The following MBOAT2 variants were observed in gnomAD, a reference collection of about 807,000 sequenced individuals.
MBOAT2 encodes membrane-bound glycerophospholipid O-acyltransferase 2.
MBOAT2 carries 28 observed loss-of-function variants against 63.4 expected under a neutral mutation model. The observed-to-expected ratio is 0.44, with a 90% CI of 0.33 to 0.61. The LOEUF is 0.61. MBOAT2 is among the 20% of genes least tolerant of loss of function. The pLI is 0.03. For synonymous variants in MBOAT2, 211 were observed against 215.6 expected (o/e 0.98, Z 0.19); for missense variants, 470 against 605.8 (o/e 0.78, Z 2.35).
intron 7 of MBOAT2, 104 bp from the exon 8 acceptor site, chr2:8,873,404 A>C (rs775330858): frequency 8.6e-7 from 1 of 1,169,536 alleles, no homozygotes; most frequent in South Asian, 1.7e-5. Flanking sequence ...CATCAGTCCT[A>C]CAACTCTCCT....
chr2:8,867,404 T>C (rs760323614), intron 9 of MBOAT2, among the ~76,000 whole-genome samples: 4 of 152,200 alleles, frequency 2.6e-5, no homozygotes, highest in Non-Finnish European at 5.9e-5. Context: ...TCTCACCTCT[T>C]CTGATTCTCT....
chr2:8,983,659 C>T (rs1290484564), intron 1 of MBOAT2, among the ~76,000 whole-genome samples: 1 of 152,118 alleles, frequency 6.6e-6, no homozygotes, highest in Non-Finnish European at 1.5e-5. Flanking sequence ...ACTGGTAAAA[C>T]TTTAAGTCTG....
chr2:8,952,286 G>C (rs1368258444), intron 2 of MBOAT2, among the ~76,000 whole-genome samples: 3 of 152,168 alleles, frequency 2.0e-5, no homozygotes, highest in Non-Finnish European at 4.4e-5. Flanking sequence ...CAAGAGTATA[G>C]ATAGTATGAT....
chr2:8,992,709 G>A (rs1449662724), intron 1 of MBOAT2, among the ~76,000 whole-genome samples: 1 of 152,220 alleles, frequency 6.6e-6, no homozygotes, highest in Non-Finnish European at 1.5e-5. Flanking sequence ...AAGTTTCTAT[G>A]AGATGATGGA....
chr2:8,956,134 C>T lies in MBOAT2; in HGVS notation c.221+2363G>A, dbSNP rs183330225. On this transcript the variant is annotated intron_variant, in intron 2 of 12. Coordinates refer to ENST00000305997, the MANE Select transcript of MBOAT2 (RefSeq NM_138799.4). ...TGGGGGTCTAGAATCAAATCTGTAA[C>T]ATCTCTGAGGCATGCCTGTATATTT... Among the ~76,000 whole-genome samples the T allele has an allele frequency of 1.2e-4, 18 of 152,286 alleles. No individual in the cohort carries two copies. In the East Asian group the frequency reaches 2.3e-3, roughly 20 times the overall value.
chr2:8,906,247 C>T (rs1290842819), intron 4 of MBOAT2, among the ~76,000 whole-genome samples: 1 of 152,240 alleles, frequency 6.6e-6, no homozygotes, highest in Non-Finnish European at 1.5e-5. Context: ...CCACACCCAG[C>T]CTTTTAAATG....
intron 9 of MBOAT2, among the ~76,000 whole-genome samples, chr2:8,867,090 G>A (rs186209265): frequency 1.2e-3 from 186 of 152,116 alleles, no homozygotes; most frequent in African/African-American, 4.0e-3. Flanking sequence ...GTTTTGCTGT[G>A]TCACCCAGGC....
chr2:8,999,479 A>C (rs982480136), intron 1 of MBOAT2, among the ~76,000 whole-genome samples: 1 of 152,246 alleles, frequency 6.6e-6, no homozygotes, highest in African/African-American at 2.4e-5. Context: ...AGATTGAAAA[A>C]TAAAAACACT....
intron 4 of MBOAT2, among the ~76,000 whole-genome samples, chr2:8,906,060 C>T (rs1334521298): frequency 6.6e-6 from 1 of 152,170 alleles, no homozygotes; most frequent in Non-Finnish European, 1.5e-5. Flanking sequence ...AGGGCTCAAG[C>T]AACTCTTCCC....
At chr2:8,993,456 G>T (rs1672053063) in intron 1 of MBOAT2, among the ~76,000 whole-genome samples, 1 of 152,202 alleles carries the variant, frequency 6.6e-6, no homozygotes, top group Non-Finnish European at 1.5e-5. Context: ...GATTAGGGGA[G>T]CTCAGTCTGT....
intron 2 of MBOAT2, among the ~76,000 whole-genome samples, chr2:8,951,516 T>G (rs760269432): frequency 8.5e-5 from 13 of 152,212 alleles, no homozygotes; most frequent in Non-Finnish European, 1.2e-4. Context: ...CTAGCTCTTC[T>G]TAGCACATCT....
chr2:8,925,067 C>T (rs1288680342), intron 3 of MBOAT2, among the ~76,000 whole-genome samples: 1 of 152,006 alleles, frequency 6.6e-6, no homozygotes, highest in Non-Finnish European at 1.5e-5. Context: ...GATGATCATC[C>T]ACAAAAACAC....
intron 2 of MBOAT2, among the ~76,000 whole-genome samples, chr2:8,956,056 G>A (rs1217429138): frequency 6.6e-6 from 1 of 151,994 alleles, no homozygotes; most frequent in Non-Finnish European, 1.5e-5. Context: ...TAAATGCACT[G>A]GGAAACCAAA....
At chr2:8,932,201 TAGTC>T (rs1334102345) in intron 3 of MBOAT2, among the ~76,000 whole-genome samples, 1 of 152,188 alleles carries the variant, frequency 6.6e-6, no homozygotes, top group Non-Finnish European at 1.5e-5. Flanking sequence ...GTTATATTTT[TAGTC>T]AGTTGATATT....
At chr2:8,886,850 T>C (rs1333829871) in intron 5 of MBOAT2, among the ~76,000 whole-genome samples, 2 of 152,228 alleles carry the variant, frequency 1.3e-5, no homozygotes, top group Non-Finnish European at 2.9e-5. Context: ...ACAGAAGTTC[T>C]AGCACCTGAA....
intron 6 of MBOAT2, among the ~76,000 whole-genome samples, chr2:8,878,719 G>T (rs1273559391): frequency 6.6e-6 from 1 of 152,104 alleles, no homozygotes; most frequent in Admixed American, 6.5e-5. Context: ...ATACTATCTG[G>T]GTTACCACTC....
Position 8,921,921 on chromosome 2 carries a change from T to C in MBOAT2, c.300-13205A>G, listed in dbSNP as rs144037025. ...CCACAGATTAATGTTTTACATCAAA[T>C]TTGGGATATCAATGGCCATCACTTC... is the stretch of plus-strand genomic sequence containing the variant. On this transcript the variant is annotated intron_variant, in intron 3 of 12. Coordinates refer to ENST00000305997, the MANE Select transcript of MBOAT2 (RefSeq NM_138799.4). Among the ~76,000 whole-genome samples, 3 of 152,324 alleles carry C rather than the reference T, an allele frequency of 2.0e-5. No individual in the cohort carries two copies. In the East Asian group the frequency reaches 5.8e-4, roughly 29 times the overall value.
intron 4 of MBOAT2, among the ~76,000 whole-genome samples, chr2:8,889,981 G>C (rs1384205363): frequency 3.3e-5 from 5 of 152,018 alleles, no homozygotes; most frequent in Non-Finnish European, 7.4e-5. Context: ...GACGGGTAAG[G>C]TGTGGCTGGG....
intron 3 of MBOAT2, among the ~76,000 whole-genome samples, chr2:8,910,217 T>C (rs1300734101): frequency 6.6e-6 from 1 of 151,286 alleles, no homozygotes; most frequent in Non-Finnish European, 1.5e-5. Flanking sequence ...AAAGGAAGGG[T>C]TGGGGATTGG....
Sources: gnomAD v4.1 joint callset for allele counts (sites outside exome capture counted in the v4.1 genomes callset) on GRCh38, gnomAD v4.1.1 for gene constraint, MANE v1.5 for transcripts, NCBI Gene and HGNC (gene_info 2026-07-23, HGNC 2026-07-21) for gene names.